CD58: variants seen among roughly 807,000 people sequenced by gnomAD.
The protein encoded by CD58 is lymphocyte function-associated antigen 3.
Under a neutral mutation model 27.6 loss-of-function variants are expected in CD58, and 14 were observed. That is an observed-to-expected ratio of 0.51 (90% confidence interval 0.34 to 0.79). The LOEUF (loss-of-function observed/expected upper bound fraction) is 0.79, where lower values mean the gene tolerates loss of function less well. Among genes scored for constraint, CD58 ranks in the 30% least tolerant of loss-of-function variants. The probability of loss-of-function intolerance (pLI) is 0.02; values close to 1 mark genes in which losing one functional copy is unlikely to be tolerated. For synonymous variants in CD58, 117 were observed against 103.8 expected (o/e 1.13, Z -0.77); for missense variants, 268 against 301.7 (o/e 0.89, Z 0.83).
intron 1 of CD58, among the ~76,000 whole-genome samples, chr1:116,566,888 C>T (rs967402377): frequency 1.3e-5 from 2 of 151,848 alleles, no homozygotes; most frequent in Non-Finnish European, 2.9e-5. Flanking sequence ...CCTATAATCC[C>T]GACACTTTGG....
intron 1 of CD58, among the ~76,000 whole-genome samples, chr1:116,549,188 T>A (rs954028653): frequency 6.6e-6 from 1 of 152,184 alleles, no homozygotes; most frequent in African/African-American, 2.4e-5. Flanking sequence ...GACATTCTAT[T>A]AGGGGAGGCA....
At chr1:116,544,237 G>A in intron 2 of CD58, 74 bp downstream of exon 2, 1 of 980,742 alleles carries the variant, frequency 1.0e-6, no homozygotes, top group Non-Finnish European at 1.5e-6. Context: ...CCATTAATTT[G>A]TGCTAGTCTC....
In CD58 at chr1:116,545,363, G is replaced by C. The variant is rs375564448; in HGVS notation, c.71-759C>G. ...TCTTTAGAGTAGAGAGCGGCTGACA[G>C]GGGCCAGCACAGAGGCAGGGAAATT... On this transcript the variant is annotated intron_variant, in intron 1 of 5. Coordinates refer to ENST00000369489, the MANE Select transcript of CD58 (RefSeq NM_001779.3). Among the ~76,000 whole-genome samples the C allele has an allele frequency of 2.6e-5, 4 of 152,344 alleles. No individual in the cohort carries two copies. The East Asian group carries it at 7.7e-4, about 29-fold the overall frequency.
At chr1:116,533,253 G>C in intron 3 of CD58, 1 of 939,980 alleles carries the variant, frequency 1.1e-6, no homozygotes, top group South Asian at 1.3e-5. Flanking sequence ...TTTGGTAATT[G>C]TTCTAACAGT....
In CD58 at chr1:116,530,441, G is replaced by A. The variant is rs1168358615; in HGVS notation, c.628+5524C>T. ...AGGATGGTCTTGATCTCCTGACCTCGTGATCCACCCGCCTCAGCCTCCCAA... is the reference window on the plus strand; with the variant it reads ...AGGATGGTCTTGATCTCCTGACCTCATGATCCACCCGCCTCAGCCTCCCAA... On this transcript the variant is annotated intron_variant, in intron 3 of 5. Transcript: ENST00000369489. 3.3e-5 allele frequency among the ~76,000 whole-genome samples: 5 copies of A among 152,038 alleles called. No individual in the cohort carries two copies. The South Asian group carries it at 6.2e-4, about 19-fold the overall frequency.
rs1436261265 is a variant in CD58 at position 116,528,586 on chromosome 1, CT to C, written c.629-6604del. On this transcript the variant is annotated intron_variant, in intron 3 of 5. Transcript: ENST00000369489. The surrounding 1 kb of genome is among the most constrained non-coding windows in gnomAD (Gnocchi z 4.4). The stretch of plus-strand genomic sequence containing the variant: ...GGTACTCTAGAGAATATCCTCTTGC[CT>C]ACCCCTTCAAAAAATGTGCCCTTTC... 6.6e-6 allele frequency among the ~76,000 whole-genome samples: 1 copy of C among 152,132 alleles called. No individual in the cohort carries two copies. Among genetic ancestry groups the C allele is most frequent in the Non-Finnish European group, 1.5e-5 (1 of 68,014 alleles).
chr1:116,565,137 G>A (rs1658888311), intron 1 of CD58, among the ~76,000 whole-genome samples: 1 of 152,088 alleles, frequency 6.6e-6, no homozygotes, highest in Non-Finnish European at 1.5e-5. Context: ...TCATCCAGCA[G>A]CCAGAATAAT....
intron 5 of CD58, chr1:116,518,551 T>G: frequency 2.0e-6 from 1 of 499,184 alleles, no homozygotes; most frequent in Non-Finnish European, 2.6e-6. Context: ...CTCAACACTC[T>G]CTGCTCCAAA....
chr1:116,557,370 A>T lies in CD58; in HGVS notation c.71-12766T>A, dbSNP rs879692627. Among the ~76,000 whole-genome samples the T allele has an allele frequency of 1.2e-4, 19 of 152,074 alleles. No homozygotes were observed. The highest frequency in any genetic ancestry group is 3.9e-4 in the Admixed American group (6 of 15,272). On this transcript the variant is annotated intron_variant, in intron 1 of 5. Coordinates refer to ENST00000369489, the MANE Select transcript of CD58 (RefSeq NM_001779.3). The surrounding 1 kb of genome is among the most constrained non-coding windows in gnomAD (Gnocchi z 5.2). ...AAAACAGACTCAGTTTTTCAGCCCC[A>T]CTTTCTGCCTCATCACCAAAGCAAG...
intron 1 of CD58, among the ~76,000 whole-genome samples, chr1:116,562,093 T>C (rs1658774343): frequency 1.3e-5 from 2 of 152,200 alleles, no homozygotes; most frequent in Non-Finnish European, 2.9e-5. Context: ...TAATGTGAGA[T>C]AATTTCAAAT....
At chr1:116,530,737 T>G (rs189896870) in intron 3 of CD58, among the ~76,000 whole-genome samples, 2 of 152,306 alleles carry the variant, frequency 1.3e-5, no homozygotes, top group Admixed American at 1.3e-4. Flanking sequence ...TTTGTATCTA[T>G]TATGATGCAT....
At chr1:116,545,732 T>C (rs1375224759) in intron 1 of CD58, among the ~76,000 whole-genome samples, 1 of 152,174 alleles carries the variant, frequency 6.6e-6, no homozygotes. Context: ...AGGGAACATC[T>C]AGTAACAGCA....
chr1:116,547,387 G>A (rs1303019917), intron 1 of CD58, among the ~76,000 whole-genome samples: 4 of 149,856 alleles, frequency 2.7e-5, no homozygotes, highest in African/African-American at 4.9e-5. Context: ...GTGCAGTGGC[G>A]TGATCTCGGC....
intron 1 of CD58, among the ~76,000 whole-genome samples, chr1:116,569,598 CTTTT>C (rs35150803): frequency 2.7e-5 from 3 of 110,930 alleles, no homozygotes; most frequent in East Asian, 2.4e-4. Flanking sequence ...CACAGCTCAC[CTTTT>C]TTTTTTTTTT....
chr1:116,530,050 G>C (rs1356675672), intron 3 of CD58, among the ~76,000 whole-genome samples: 2 of 152,068 alleles, frequency 1.3e-5, no homozygotes, highest in Non-Finnish European at 2.9e-5. Context: ...ATAAATCAAA[G>C]AAAACTTTAA....
intron 3 of CD58, among the ~76,000 whole-genome samples, chr1:116,535,087 A>C (rs1657749065): frequency 6.6e-6 from 1 of 152,244 alleles, no homozygotes; most frequent in South Asian, 2.1e-4. Flanking sequence ...TAATGTAAAA[A>C]ACAGATAATA....
Position 116,534,456 on chromosome 1 carries a change from G to C in CD58, c.628+1509C>G, listed in dbSNP as rs973956671. ...GCGGCCCTCCGGGTACGCGGGGCTG[G>C]CTGGGCTAGCGGGAGATTTGAGCTG... On this transcript the variant is annotated intron_variant, in intron 3 of 5. Coordinates refer to ENST00000369489, the MANE Select transcript of CD58 (RefSeq NM_001779.3). The surrounding 1 kb of genome is among the most constrained non-coding windows in gnomAD (Gnocchi z 5.3). Among the ~76,000 whole-genome samples the C allele has an allele frequency of 7.9e-5, 12 of 152,242 alleles. No individual in the cohort carries two copies. The highest frequency in any genetic ancestry group is 2.7e-4 in the African/African-American group (11 of 41,454).
intron 1 of CD58, among the ~76,000 whole-genome samples, chr1:116,547,547 TC>T (rs1312630940): frequency 6.6e-6 from 1 of 152,020 alleles, no homozygotes; most frequent in Non-Finnish European, 1.5e-5. Context: ...GCCAGGATGG[TC>T]TCGATCTCCT....
Position 116,534,174 on chromosome 1 carries a change from C to A in CD58, c.628+1791G>T. The A allele has an allele frequency of 1.6e-6, 1 of 619,268 alleles. No homozygotes were observed. 38.4% of individuals were successfully genotyped at this position (619,268 alleles called of 1,614,324 possible). A position where few individuals can be genotyped will look rare whatever the true frequency, so the allele number is the denominator to read the frequency against. The stretch of plus-strand genomic sequence containing the variant: ...GGCACTCAGGCCAGTCCTCGGGGAG[C>A]ACACGCCGCCCATCTGGCTCGCACC... On this transcript the variant is annotated intron_variant, in intron 3 of 5. Coordinates refer to ENST00000369489, the MANE Select transcript of CD58 (RefSeq NM_001779.3). This position sits in a 1 kb window ranked among gnomAD's most constrained non-coding sequence, Gnocchi z 5.3.
Sources: allele counts gnomAD v4.1 joint callset (sites outside exome capture counted in the v4.1 genomes callset), GRCh38; gene constraint gnomAD v4.1.1; non-coding constraint Gnocchi (gnomAD v3.1); transcripts MANE v1.5; gene names NCBI Gene and HGNC (gene_info 2026-07-23, HGNC 2026-07-21).